ZSCAN30: variants seen among roughly 807,000 people sequenced by gnomAD.
ZSCAN30 encodes the protein zinc finger and SCAN domain-containing protein 30.
A neutral mutation model predicts 44.3 loss-of-function variants in ZSCAN30; 37 were observed. The observed-to-expected ratio is 0.84, with a 90% CI of 0.64 to 1.10. The LOEUF is 1.10. Ranked by LOEUF, ZSCAN30 falls within the 50% of genes least tolerant of loss-of-function variation. ZSCAN30 has a pLI of 0.00. For missense variants in ZSCAN30, 549 were observed against 582.6 expected, an observed-to-expected ratio of 0.94 and a Z score of 0.59; for synonymous variants, 181 against 204.6, an observed-to-expected ratio of 0.88 and a Z score of 0.98.
At chr18:35,271,452 G>A (rs146210992) in intron 1 of ZSCAN30, among the ~76,000 whole-genome samples, 1 of 143,804 alleles carries the variant, frequency 7.0e-6, no homozygotes. Context: ...CAAACCTTAA[G>A]CTAGACACAG....
intron 1 of ZSCAN30, among the ~76,000 whole-genome samples, chr18:35,275,125 CAA>C (rs2044348022): frequency 2.6e-5 from 4 of 152,196 alleles, no homozygotes; most frequent in African/African-American, 9.7e-5. Flanking sequence ...CAGAGATCTA[CAA>C]TAAGTATTTC....
intron 1 of ZSCAN30, among the ~76,000 whole-genome samples, chr18:35,272,208 T>A (rs1341499926): frequency 6.6e-6 from 1 of 152,224 alleles, no homozygotes; most frequent in Non-Finnish European, 1.5e-5. Context: ...TTTTGTATTT[T>A]TAGTAGAGAC....
At chr18:35,267,702 A>G (rs2044190271) in intron 1 of ZSCAN30, 1 of 151,656 alleles carries the variant, frequency 6.6e-6, no homozygotes, top group Non-Finnish European at 1.5e-5. Flanking sequence ...TGGGGAGCAT[A>G]AGATACATAT....
chr18:35,269,221 A>G (rs2044223103), intron 1 of ZSCAN30: 1 of 152,258 alleles, frequency 6.6e-6, no homozygotes, highest in African/African-American at 2.4e-5. Flanking sequence ...TGTGTAGGAA[A>G]GCTGCCTGTT....
chr18:35,271,897 G>A (rs530976314), intron 1 of ZSCAN30, among the ~76,000 whole-genome samples: 1 of 152,272 alleles, frequency 6.6e-6, no homozygotes, highest in East Asian at 1.9e-4. Context: ...CGGGTGCTAA[G>A]CCCCTTACTG....
At chr18:35,271,185 G>A (rs2044266750) in intron 1 of ZSCAN30, among the ~76,000 whole-genome samples, 1 of 152,180 alleles carries the variant, frequency 6.6e-6, no homozygotes, top group Admixed American at 6.5e-5. Context: ...CCTGCTGCTT[G>A]CTGGGGCAGC....
chr18:35,279,852 T>A (rs902493092), intron 1 of ZSCAN30, among the ~76,000 whole-genome samples: 2 of 152,190 alleles, frequency 1.3e-5, no homozygotes, highest in African/African-American at 4.8e-5. Flanking sequence ...GACATAACAT[T>A]CAGCCTACAC....
chr18:35,268,632 C>T (rs2044211964), intron 1 of ZSCAN30: 1 of 152,192 alleles, frequency 6.6e-6, no homozygotes, highest in Non-Finnish European at 1.5e-5. Flanking sequence ...AGGGTGAGAA[C>T]TAAGCTGATG....
chr18:35,257,347 T>C (rs1265256015), intron 3 of ZSCAN30: 1 of 152,820 alleles, frequency 6.5e-6, no homozygotes, highest in Non-Finnish European at 1.5e-5. Context: ...CCTCCAATGA[T>C]GTGAATGTCT....
Position 35,256,307 on chromosome 18 carries a change from C to T in ZSCAN30, c.554-1926G>A. ...GCACGGTGGCTCACACCTGTAATCC[C>T]AGCACTTTTGGAGGCTGAGGCAGGC... is the stretch of plus-strand genomic sequence containing the variant. On this transcript the variant is annotated intron_variant, in intron 3 of 3. Coordinates refer to ENST00000333206, the MANE Select transcript of ZSCAN30 (RefSeq NM_001112734.4). 1.3e-5 allele frequency: 2 copies of T among 152,150 alleles called. 1 individual carries two copies. Among genetic ancestry groups the T allele is most frequent in the Non-Finnish European group, 2.9e-5 (2 of 68,080 alleles). 9.4% of individuals were successfully genotyped at this position (152,150 alleles called of 1,614,324 possible).
At position 35,251,362 on chromosome 18, in the gene ZSCAN30, G is replaced by A. The variant is rs2043587380; in HGVS notation, c.*2088C>T. 6.6e-6 allele frequency: 1 copy of A among 152,110 alleles called. No individual in the cohort carries two copies. The highest frequency in any genetic ancestry group is 2.4e-5 in the African/African-American group (1 of 41,424). 9.4% of individuals were successfully genotyped at this position (152,110 alleles called of 1,614,324 possible). On this transcript the variant is annotated 3_prime_UTR_variant, in exon 4 of 4. Transcript: ENST00000333206. Reference sequence around the variant, plus strand: ...TACTTAAAACATTAAATCTCTGATTGTCACCTATAGGAAAAGGCAACTCAC... The same window carrying A: ...TACTTAAAACATTAAATCTCTGATTATCACCTATAGGAAAAGGCAACTCAC...
chr18:35,270,328 G>A (rs563465520), intron 1 of ZSCAN30: 2 of 152,256 alleles, frequency 1.3e-5, no homozygotes, highest in African/African-American at 4.8e-5. Flanking sequence ...AGGGGAACGA[G>A]GGAACAAATA....
chr18:35,263,521 T>G lies in ZSCAN30; in HGVS notation c.545A>C (p.Gln182Pro), dbSNP rs1386762617. Residue 182 changes from glutamine (Q) to proline (P), a missense_variant, in exon 3 of 4, where the codon CAG becomes CCG. Gln to Pro is a moderately conservative substitution (Grantham distance 76). Coordinates refer to ENST00000333206, the MANE Select transcript of ZSCAN30 (RefSeq NM_001112734.4). ...GGACTGGGGCTTCTCACCTCTCTCC[T>G]GGAAAGCCTGGGACTCCTGAGTCTC... is the stretch of plus-strand genomic sequence containing the variant. ...KTETQESQAF[Q>P]ERDGRMVAGK... The G allele has an allele frequency of 6.2e-7, 1 of 1,614,184 alleles. No individual in the cohort carries two copies. Among genetic ancestry groups the G allele is most frequent in the East Asian group, 2.2e-5 (1 of 44,880 alleles).
chr18:35,273,676 G>A (rs2044322997), intron 1 of ZSCAN30, among the ~76,000 whole-genome samples: 1 of 152,116 alleles, frequency 6.6e-6, no homozygotes, highest in African/African-American at 2.4e-5. Flanking sequence ...CACGTGTGAG[G>A]GTTTACTTCT....
intron 3 of ZSCAN30, chr18:35,263,101 C>T (rs2044060747): frequency 3.1e-6 from 1 of 318,238 alleles, no homozygotes; most frequent in South Asian, 2.4e-5. Context: ...TTTAGCCAGG[C>T]ATGGTGGTGT....
At chr18:35,274,259 G>C (rs545582338) in intron 1 of ZSCAN30, among the ~76,000 whole-genome samples, 1 of 151,908 alleles carries the variant, frequency 6.6e-6, no homozygotes, top group African/African-American at 2.4e-5. Flanking sequence ...GGATGGTCTC[G>C]ATCTCCTGAC....
At chr18:35,273,585 G>A (rs2044321506) in intron 1 of ZSCAN30, among the ~76,000 whole-genome samples, 1 of 152,126 alleles carries the variant, frequency 6.6e-6, no homozygotes, top group African/African-American at 2.4e-5. Context: ...TATGTATCCG[G>A]TTTTCCCAGT....
intron 3 of ZSCAN30, 26 bp downstream of exon 3, chr18:35,263,472 TCACCTCCATCCTCAA>T (rs771770285): frequency 6.2e-7 from 1 of 1,610,848 alleles, no homozygotes; most frequent in South Asian, 1.1e-5. Flanking sequence ...TTGATAGCTC[TCACCTCCATCCTCAA>T]CCCCACATGG....
intron 1 of ZSCAN30, chr18:35,268,120 C>G (rs1598633706): frequency 6.6e-6 from 1 of 152,310 alleles, no homozygotes; most frequent in Non-Finnish European, 1.5e-5. Flanking sequence ...GCGACAGGAG[C>G]CAGGGCACAG....
Sources: gnomAD v4.1 joint callset for allele counts (sites outside exome capture counted in the v4.1 genomes callset) on GRCh38, gnomAD v4.1.1 for gene constraint, MANE v1.5 for transcripts, NCBI Gene and HGNC (gene_info 2026-07-23, HGNC 2026-07-21) for gene names.